Variants in ERMARD observed in about 807,000 individuals in gnomAD.
The protein encoded by ERMARD is ER membrane associated RNA degradation.
Under a neutral mutation model 83.9 loss-of-function variants are expected in ERMARD, and 71 were observed. The observed-to-expected ratio is 0.85, with a 90% CI of 0.70 to 1.03. ERMARD has a LOEUF of 1.03. Among genes scored for constraint, ERMARD ranks in the 50% least tolerant of loss-of-function variants. The pLI is 0.00. For synonymous variants in ERMARD, 284 were observed against 298.6 expected (o/e 0.95, Z 0.50); for missense variants, 838 against 810.9 (o/e 1.03, Z -0.41).
chr6:169,766,488 C>A, intron 9 of ERMARD, 150 bp from the exon 10 acceptor site: 1 of 566,046 alleles, frequency 1.8e-6, no homozygotes, highest in Non-Finnish European at 3.1e-6. Context: ...CAGTGACATT[C>A]CTCTCATAGT....
chr6:169,771,577 T>A (rs1334591957), intron 12 of ERMARD: 1 of 152,142 alleles, frequency 6.6e-6, no homozygotes, highest in Non-Finnish European at 1.5e-5. Context: ...TAATTGACAT[T>A]TTTCACAATA....
intron 2 of ERMARD, among the ~76,000 whole-genome samples, chr6:169,754,313 C>G (rs1283048253): frequency 6.6e-6 from 1 of 150,662 alleles, no homozygotes; most frequent in Non-Finnish European, 1.5e-5. Flanking sequence ...GATCTCAGGG[C>G]CTTGAGATGA....
chr6:169,765,929 G>A (rs1300349391), intron 9 of ERMARD, among the ~76,000 whole-genome samples: 1 of 86,312 alleles, frequency 1.2e-5, no homozygotes, highest in African/African-American at 6.2e-5. Flanking sequence ...TCGTCACGCT[G>A]TCTGTCAAAT....
chr6:169,770,036 T>C (rs1792707664), intron 12 of ERMARD, among the ~76,000 whole-genome samples: 1 of 152,232 alleles, frequency 6.6e-6, no homozygotes, highest in African/African-American at 2.4e-5. Flanking sequence ...TTTACAGATA[T>C]TTGCTAAATC....
chr6:169,765,078 G>A (rs996921084), intron 9 of ERMARD, among the ~76,000 whole-genome samples: 1 of 152,260 alleles, frequency 6.6e-6, no homozygotes, highest in African/African-American at 2.4e-5. Flanking sequence ...CGAAGCTTCA[G>A]GAAAGAGCTG....
intron 9 of ERMARD, among the ~76,000 whole-genome samples, chr6:169,763,687 C>T (rs1176267043): frequency 6.6e-6 from 1 of 152,264 alleles, no homozygotes; most frequent in Non-Finnish European, 1.5e-5. Flanking sequence ...TCAACCCCAT[C>T]CTCTGTTTCC....
chr6:169,780,156 A>G (rs78739719), intron 17 of ERMARD, among the ~76,000 whole-genome samples: 377 of 152,348 alleles, frequency 2.5e-3, no homozygotes, highest in Non-Finnish European at 3.7e-3. Context: ...TGAGGACTCC[A>G]GCTCAGTGTG....
intron 11 of ERMARD, among the ~76,000 whole-genome samples, 177 bp from the exon 12 acceptor site, chr6:169,769,363 C>T (rs1792608133): frequency 6.6e-6 from 1 of 152,216 alleles, no homozygotes; most frequent in Admixed American, 6.5e-5. Context: ...TTCCCCACAG[C>T]CTCTCTGGCT....
At chr6:169,775,370 C>T (rs904768764) in intron 14 of ERMARD, 24 bp downstream of exon 14, 2 of 1,613,004 alleles carry the variant, frequency 1.2e-6, no homozygotes, top group Non-Finnish European at 1.7e-6. Flanking sequence ...TGGGGCCTGG[C>T]TGACCTCAAG....
intron 12 of ERMARD, among the ~76,000 whole-genome samples, chr6:169,772,543 G>C (rs969108283): frequency 2.6e-5 from 4 of 151,974 alleles, no homozygotes; most frequent in African/African-American, 9.7e-5. Context: ...AGGCAGATGG[G>C]TCACCTGAGG....
intron 6 of ERMARD, among the ~76,000 whole-genome samples, chr6:169,759,587 C>A (rs1357993287): frequency 6.6e-6 from 1 of 152,066 alleles, no homozygotes; most frequent in African/African-American, 2.4e-5. Context: ...GCCCACCTAA[C>A]TTTTTTGTAT....
chr6:169,768,014 C>T (rs971049235), intron 10 of ERMARD, 89 bp from the exon 11 acceptor site: 1 of 1,065,172 alleles, frequency 9.4e-7, no homozygotes, highest in Non-Finnish European at 1.4e-6. Flanking sequence ...ACAAGTTAGG[C>T]TAAAAGTACT....
intron 3 of ERMARD, chr6:169,755,682 G>A: frequency 2.4e-6 from 1 of 413,710 alleles, no homozygotes; most frequent in Non-Finnish European, 4.3e-6. Flanking sequence ...GTCACACGGT[G>A]CCCATCCAAG....
Position 169,756,822 on chromosome 6 carries a change from T to A in ERMARD, c.507+14T>A. 6.2e-7 allele frequency: 1 copy of A among 1,610,934 alleles called. No individual in the cohort carries two copies. Among genetic ancestry groups the A allele is most frequent in the South Asian group, 1.1e-5 (1 of 90,968 alleles). On this transcript the variant is annotated intron_variant, in intron 5 of 17. Coordinates refer to ENST00000366773, the MANE Select transcript of ERMARD (RefSeq NM_018341.3). ...AGTCAGTCTGTGGTAAGCTTGTTCA[T>A]CTAAACTCATGGAGTATATTAGTCC... is the stretch of plus-strand genomic sequence containing the variant.
intron 4 of ERMARD, 26 bp from the exon 5 acceptor site, chr6:169,756,692 GT>G: frequency 6.3e-7 from 1 of 1,587,964 alleles, no homozygotes; most frequent in Non-Finnish European, 8.6e-7. Context: ...TAATACAACT[GT>G]TACACAATTT....
intron 9 of ERMARD, among the ~76,000 whole-genome samples, chr6:169,763,384 T>C (rs1255800745): frequency 1.3e-5 from 2 of 152,184 alleles, no homozygotes; most frequent in Non-Finnish European, 1.5e-5. Context: ...CAGCCGGCTG[T>C]GTCAGCCATC....
chr6:169,751,525 T>C, upstream of ERMARD: 1 of 1,610,380 alleles, frequency 6.2e-7, no homozygotes, highest in Non-Finnish European at 8.5e-7. Flanking sequence ...CCCTAGCCAG[T>C]CCCGCGAGGG....
intron 17 of ERMARD, among the ~76,000 whole-genome samples, chr6:169,780,346 G>T (rs544824225): frequency 1.3e-5 from 2 of 152,314 alleles, no homozygotes; most frequent in African/African-American, 4.8e-5. Context: ...AATCACCCCA[G>T]TAGAGAGCCC....
At chr6:169,775,465 C>T in intron 14 of ERMARD, 119 bp downstream of exon 14, 1 of 1,133,044 alleles carries the variant, frequency 8.8e-7, no homozygotes, top group Non-Finnish European at 1.3e-6. Flanking sequence ...ATTTCTGGGC[C>T]TTGGTGGCTG....
Sources: gnomAD v4.1 joint callset for allele counts (sites outside exome capture counted in the v4.1 genomes callset) on GRCh38, gnomAD v4.1.1 for gene constraint, MANE v1.5 for transcripts, NCBI Gene and HGNC (gene_info 2026-07-23, HGNC 2026-07-21) for gene names.